The following DDX60L variants were observed in gnomAD, a reference collection of about 807,000 sequenced individuals.
DDX60L encodes the protein DExD/H-box 60 like, also known as probable ATP-dependent RNA helicase DDX60-like.
DDX60L carries 191 observed loss-of-function variants against 211.6 expected under a neutral mutation model. That is an observed-to-expected ratio of 0.90 (90% CI 0.80 to 1.02). The LOEUF is 1.02. Among genes scored for constraint, DDX60L ranks in the 50% least tolerant of loss-of-function variants. DDX60L has a pLI of 0.00. For synonymous variants in DDX60L, 706 were observed against 694.1 expected, an observed-to-expected ratio of 1.02 and a Z score of -0.27; for missense variants, 2,007 against 1,984.1, an observed-to-expected ratio of 1.01 and a Z score of -0.22.
rs778467073 is a variant in DDX60L at position 168,384,778 on chromosome 4, A to G, written c.3950T>C (p.Leu1317Pro). The change falls in exon 30 of 38, where the codon CTG (leucine) becomes CCG (proline). Residue 1317 changes from leucine to proline, a missense_variant. Leu to Pro is a moderately conservative substitution (Grantham distance 98, BLOSUM62 -3). Coordinates refer to ENST00000682922, the MANE Select transcript of DDX60L (RefSeq NM_001012967.3). Reference sequence around the variant, plus strand: ...ATCAAAGAAATACACATTTCCAAGCAGGTCTTGACCTCTTCTTCCAGCACG... The same window carrying G: ...ATCAAAGAAATACACATTTCCAAGCGGGTCTTGACCTCTTCTTCCAGCACG... The part of the protein sequence containing the change: ...SGRAGRRGQD[L>P]LGNVYFFDIP... 4 of 1,613,490 alleles carry G rather than the reference A, an allele frequency of 2.5e-6. No individual in the cohort carries two copies. In the Admixed American group the frequency reaches 5.0e-5, roughly 20 times the overall value.
rs1351278931 is a variant in DDX60L, at chr4:168,401,043, T to A, written c.3339-65A>T. The A allele has an allele frequency of 3.4e-6, 5 of 1,457,874 alleles. No individual in the cohort carries two copies. The Admixed American group carries it at 1.0e-4, about 30-fold the overall frequency. The allele number at this position is 1,457,874 out of a possible 1,614,324, so 90.3% of individuals were successfully genotyped here. A position where few individuals can be genotyped will look rare whatever the true frequency, so the allele number is the denominator to read the frequency against. ...TTCTATCCATATTGTAAACCAAAAA[T>A]AAAATTATAAGGCCCCTCAATCATC... On this transcript the variant is annotated intron_variant, in intron 25 of 37. Transcript: ENST00000682922.
chr4:168,403,216 A>C (rs1481844079), intron 25 of DDX60L, among the ~76,000 whole-genome samples: 1 of 152,190 alleles, frequency 6.6e-6, no homozygotes, highest in African/African-American at 2.4e-5. Flanking sequence ...TCTTATCATC[A>C]TCTTTTGGTT....
intron 29 of DDX60L, among the ~76,000 whole-genome samples, chr4:168,385,957 A>G (rs1440322145): frequency 6.6e-6 from 1 of 151,590 alleles, no homozygotes; most frequent in Non-Finnish European, 1.5e-5. Flanking sequence ...AGAGAAGGAG[A>G]GAGGGAGGGA....
intron 22 of DDX60L, among the ~76,000 whole-genome samples, chr4:168,414,650 T>A (rs1468496293): frequency 6.6e-6 from 1 of 151,954 alleles, no homozygotes. Flanking sequence ...ATGTGGCACT[T>A]AAAAACAGTG....
At chr4:168,384,850 A>C (rs1429357831) in intron 29 of DDX60L, 38 bp from the exon 30 acceptor site, 1 of 1,570,526 alleles carries the variant, frequency 6.4e-7, no homozygotes, top group Admixed American at 1.8e-5. Flanking sequence ...AAACCTCCAC[A>C]GATAATTATC....
chr4:168,370,297 T>C (rs1740778454), intron 36 of DDX60L, among the ~76,000 whole-genome samples: 1 of 152,144 alleles, frequency 6.6e-6, no homozygotes, highest in Admixed American at 6.5e-5. Context: ...GAGGACATTA[T>C]GTTAAGTGAA....
At chr4:168,408,961 C>T (rs1033651680) in intron 22 of DDX60L, among the ~76,000 whole-genome samples, 2 of 152,180 alleles carry the variant, frequency 1.3e-5, no homozygotes, top group African/African-American at 2.4e-5. Flanking sequence ...ACATTCTTCT[C>T]CTGTTGCTTC....
Position 168,432,590 on chromosome 4 carries a change from AT to A in DDX60L, c.1401-21del. The A allele has an allele frequency of 2.1e-6, 3 of 1,404,336 alleles. No homozygotes were observed. The highest frequency in any genetic ancestry group is 1.5e-5 in the African/African-American group (1 of 67,670). 87.0% of individuals were successfully genotyped at this position (1,404,336 alleles called of 1,614,324 possible). ...TCATCACTGTAAAAATAAATACATA[AT>A]TTTTTTAAATTTTAAGCTTTTCAAA... On this transcript the variant is annotated intron_variant, in intron 11 of 37. Coordinates refer to ENST00000682922, the MANE Select transcript of DDX60L (RefSeq NM_001012967.3).
intron 6 of DDX60L, 71 bp downstream of exon 6, chr4:168,457,821 C>A: frequency 1.1e-6 from 1 of 921,028 alleles, no homozygotes; most frequent in Non-Finnish European, 1.6e-6. Flanking sequence ...AAGGACTGAA[C>A]TAATCACAAG....
In DDX60L at chr4:168,373,740, C is replaced by T. The variant is rs773325690; in HGVS notation, c.4702G>A (p.Val1568Ile). Residue 1568 changes from valine (V) to isoleucine (I), a missense_variant, in exon 35 of 38, where the codon GTA becomes ATA. Transcript: ENST00000682922. ...AGACAAACAAATGGTGAAATGGCTA[C>T]TCTTCCTTTCTTGCAGCTCATCAAG... ...SHLMSCKKGR[V>I]AISPFVCLSG... 1.2e-6 allele frequency: 2 copies of T among 1,614,036 alleles called. No homozygotes were observed. The highest frequency in any genetic ancestry group is 2.2e-5 in the East Asian group (1 of 44,878).
chr4:168,475,816 AG>A (rs1416213817), intron 1 of DDX60L, among the ~76,000 whole-genome samples: 2 of 152,126 alleles, frequency 1.3e-5, no homozygotes, highest in Non-Finnish European at 2.9e-5. Context: ...CTATAAGGAT[AG>A]GGTCCTTATC....
At position 168,435,022 on chromosome 4, in the gene DDX60L, T is replaced by A. The variant is rs140843403; in HGVS notation, c.1295-1907A>T. Among the ~76,000 whole-genome samples the A allele has an allele frequency of 3.3e-4, 50 of 152,290 alleles. No homozygotes were observed. In the South Asian group the frequency reaches 4.6e-3, roughly 14 times the overall value. On this transcript the variant is annotated intron_variant, in intron 10 of 37. Coordinates refer to ENST00000682922, the MANE Select transcript of DDX60L (RefSeq NM_001012967.3). Reference sequence around the variant, plus strand: ...ACTGGAGAAGGGGAAATCATCTGACTTCAGGGGATTACTGGATACTGATTC... The same window carrying A: ...ACTGGAGAAGGGGAAATCATCTGACATCAGGGGATTACTGGATACTGATTC...
At chr4:168,416,819 G>T in intron 19 of DDX60L, 22 bp from the exon 20 acceptor site, 1 of 1,292,944 alleles carries the variant, frequency 7.7e-7, no homozygotes, top group Non-Finnish European at 1.1e-6. Context: ...AAAAAAATCA[G>T]TTGAAAAGTT....
intron 9 of DDX60L, among the ~76,000 whole-genome samples, chr4:168,442,032 A>G (rs1171590281): frequency 2.0e-5 from 3 of 152,142 alleles, no homozygotes; most frequent in Admixed American, 2.0e-4. Flanking sequence ...GCTCTGGTCT[A>G]CAGCTCCCAG....
At chr4:168,434,733 T>C (rs368701500) in intron 10 of DDX60L, among the ~76,000 whole-genome samples, 2 of 152,298 alleles carry the variant, frequency 1.3e-5, no homozygotes, top group South Asian at 2.1e-4. Context: ...AAACAAAAGA[T>C]GGGCATTCCA....
intron 9 of DDX60L, among the ~76,000 whole-genome samples, chr4:168,447,875 T>G: frequency 9.5e-6 from 1 of 105,546 alleles, no homozygotes; most frequent in African/African-American, 3.7e-5. Context: ...CTGGGGACTG[T>G]TGTGGGGTGG....
At chr4:168,460,639 G>T (rs1757203310) in intron 5 of DDX60L, among the ~76,000 whole-genome samples, 1 of 152,030 alleles carries the variant, frequency 6.6e-6, no homozygotes, top group Non-Finnish European at 1.5e-5. Flanking sequence ...AAAAGTATGG[G>T]TTTTCCACAC....
chr4:168,410,300 T>C (rs1748463992), intron 22 of DDX60L, among the ~76,000 whole-genome samples: 1 of 152,118 alleles, frequency 6.6e-6, no homozygotes, highest in Non-Finnish European at 1.5e-5. Context: ...AGCAAAGACA[T>C]GGAAGACGAA....
chr4:168,361,238 A>G, intron 36 of DDX60L, 27 bp from the exon 37 acceptor site: 1 of 1,441,102 alleles, frequency 6.9e-7, no homozygotes, highest in African/African-American at 1.4e-5. Flanking sequence ...TTCTTAATTA[A>G]AAAGTATAAA....
Sources: allele counts gnomAD v4.1 joint callset (sites outside exome capture counted in the v4.1 genomes callset), GRCh38; gene constraint gnomAD v4.1.1; transcripts MANE v1.5; gene names NCBI Gene and HGNC (gene_info 2026-07-23, HGNC 2026-07-21).